The following ZNF445 variants were observed in gnomAD, a reference collection of about 807,000 sequenced individuals.
ZNF445 encodes the protein zinc finger protein 445, also known as zinc finger protein 168.
ZNF445 carries 19 observed loss-of-function variants against 93.9 expected under a neutral mutation model. The ratio of observed to expected loss-of-function variants is 0.20; its 90% CI spans 0.14 to 0.30. The LOEUF (loss-of-function observed/expected upper bound fraction) is 0.30. Among genes scored for constraint, ZNF445 ranks in the 10% least tolerant of loss-of-function variants. The probability of loss-of-function intolerance (pLI) is 1.00; values close to 1 mark genes in which losing one functional copy is unlikely to be tolerated. For synonymous variants in ZNF445, 449 were observed against 446.3 expected (o/e 1.01, Z -0.08); for missense variants, 1,058 against 1,259.4 (o/e 0.84, Z 2.42).
intron 3 of ZNF445, among the ~76,000 whole-genome samples, chr3:44,454,088 G>A (rs1299391720): frequency 1.3e-5 from 2 of 151,924 alleles, no homozygotes; most frequent in Non-Finnish European, 2.9e-5. Context: ...CAAGGCGGAT[G>A]GATCACCTGA....
At chr3:44,450,403 C>A (rs376219187) in intron 6 of ZNF445, 44 bp downstream of exon 6, 148 of 1,613,226 alleles carry the variant, frequency 9.2e-5, no homozygotes, top group Middle Eastern at 5.1e-4. Context: ...CCCAAGAAGG[C>A]AGAAATAAAG....
Position 44,451,560 on chromosome 3 carries a change from T to C in ZNF445, c.430-78A>G, listed in dbSNP as rs539294732. On this transcript the variant is annotated intron_variant, in intron 3 of 7. Coordinates refer to ENST00000396077, the MANE Select transcript of ZNF445 (RefSeq NM_181489.6). ...CTCAGAGAAGAGACCACATGACCAA[T>C]CTCTGAAGGACAAAGGCCGAGGGAT... 24 of 1,493,746 alleles carry C rather than the reference T, an allele frequency of 1.6e-5. No individual in the cohort carries two copies. In the African/African-American group the frequency reaches 2.8e-4, roughly 17 times the overall value. 92.5% of individuals were successfully genotyped at this position (1,493,746 alleles called of 1,614,324 possible).
At chr3:44,466,953 T>C (rs1024119092) in intron 1 of ZNF445, among the ~76,000 whole-genome samples, 3 of 152,242 alleles carry the variant, frequency 2.0e-5, no homozygotes, top group African/African-American at 7.2e-5. Context: ...GTAGCTTTCA[T>C]AGTGGCTATA....
intron 1 of ZNF445, among the ~76,000 whole-genome samples, chr3:44,458,847 G>A (rs1698068133): frequency 6.6e-6 from 1 of 152,142 alleles, no homozygotes; most frequent in Non-Finnish European, 1.5e-5. Flanking sequence ...CATTTCAGGA[G>A]TCCTGCCTCA....
In ZNF445 at chr3:44,444,742, C is replaced by T. The variant is rs1366187290; in HGVS notation, c.*1833G>A. The T allele has an allele frequency of 6.6e-6, 1 of 152,272 alleles. No homozygotes were observed. Among genetic ancestry groups the T allele is most frequent in the East Asian group, 1.9e-4 (1 of 5,186 alleles). 9.4% of individuals were successfully genotyped at this position (152,272 alleles called of 1,614,324 possible). On this transcript the variant is annotated 3_prime_UTR_variant, in exon 8 of 8. Transcript: ENST00000396077. ...TGACACCACCACACAATATCAGAGCCTTCATTTTCACCTGCTCATGGCAAT... is the reference window on the plus strand; with the variant it reads ...TGACACCACCACACAATATCAGAGCTTTCATTTTCACCTGCTCATGGCAAT...
chr3:44,441,691 A>G lies in ZNF445; in HGVS notation c.*4884T>C, dbSNP rs1437785626. On this transcript the variant is annotated 3_prime_UTR_variant, in exon 8 of 8. Transcript: ENST00000396077. ...GAAACACTTTAAGCAAACAGTTAAA[A>G]AGTACCCACCACACTACCCTGTAAA... 1 of 152,210 alleles carries G rather than the reference A, an allele frequency of 6.6e-6. No individual in the cohort carries two copies. Among genetic ancestry groups the G allele is most frequent in the East Asian group, 1.9e-4 (1 of 5,198 alleles). The allele number at this position is 152,210 out of a possible 1,614,324, so 9.4% of individuals were successfully genotyped here. A position where few individuals can be genotyped will look rare whatever the true frequency, so the allele number is the denominator to read the frequency against.
At chr3:44,475,005 G>C (rs1054132113) in intron 1 of ZNF445, among the ~76,000 whole-genome samples, 1 of 152,010 alleles carries the variant, frequency 6.6e-6, no homozygotes, top group African/African-American at 2.4e-5. Flanking sequence ...GGCTAAGGAG[G>C]GATAATTGTT....
rs1297997680 is a variant in ZNF445, at chr3:44,440,984, G to C, written c.*5591C>G. ...GCTGGAGTGCAGTGGCACCATCTTG[G>C]CTCACTGCAACCTCCAACTCCCGGG... is the stretch of plus-strand genomic sequence containing the variant. On this transcript the variant is annotated 3_prime_UTR_variant, in exon 8 of 8. Transcript: ENST00000396077. 6.6e-6 allele frequency: 1 copy of C among 150,784 alleles called. No individual in the cohort carries two copies. The highest frequency in any genetic ancestry group is 2.0e-4 in the East Asian group (1 of 5,102). The allele number at this position is 150,784 out of a possible 1,614,324, so 9.3% of individuals were successfully genotyped here.
rs201266719 is a variant in ZNF445 at position 44,449,674 on chromosome 3, T to C, written c.821-51A>G. The C allele has an allele frequency of 3.4e-6, 5 of 1,461,492 alleles. No individual in the cohort carries two copies. In the East Asian group the frequency reaches 1.1e-4, roughly 33 times the overall value. 90.5% of individuals were successfully genotyped at this position (1,461,492 alleles called of 1,614,324 possible). A position where few individuals can be genotyped will look rare whatever the true frequency, so the allele number is the denominator to read the frequency against. ...AGAAGGGAGATGGATGACACAGAACTACTCTTCAGGACCTCTGGGCCTGAA... is the reference window on the plus strand; with the variant it reads ...AGAAGGGAGATGGATGACACAGAACCACTCTTCAGGACCTCTGGGCCTGAA... On this transcript the variant is annotated intron_variant, in intron 6 of 7. Coordinates refer to ENST00000396077, the MANE Select transcript of ZNF445 (RefSeq NM_181489.6).
chr3:44,449,366 C>G (rs1697927051), intron 7 of ZNF445, 147 bp downstream of exon 7: 3 of 650,586 alleles, frequency 4.6e-6, no homozygotes, highest in African/African-American at 3.6e-5. Flanking sequence ...ATGGAAGAGA[C>G]CCAGTGGCCC....
Position 44,443,368 on chromosome 3 carries a change from T to G in ZNF445, c.*3207A>C, listed in dbSNP as rs1697835364. The G allele has an allele frequency of 6.6e-6, 1 of 152,186 alleles. No individual in the cohort carries two copies. The highest frequency in any genetic ancestry group is 1.5e-5 in the Non-Finnish European group (1 of 68,042). The allele number at this position is 152,186 out of a possible 1,614,324, so 9.4% of individuals were successfully genotyped here. A position where few individuals can be genotyped will look rare whatever the true frequency, so the allele number is the denominator to read the frequency against. On this transcript the variant is annotated 3_prime_UTR_variant, in exon 8 of 8. Transcript: ENST00000396077. ...AAAATTATTTGAAAACTCAGGTTAT[T>G]GGACAAATAGGTTCAGTATAATCCC...
chr3:44,464,132 C>T (rs948551927), intron 1 of ZNF445, among the ~76,000 whole-genome samples: 1 of 151,808 alleles, frequency 6.6e-6, no homozygotes, highest in Non-Finnish European at 1.5e-5. Context: ...TCTCAAAAAA[C>T]AAACAAACAA....
Position 44,448,490 on chromosome 3 carries a change from T to C in ZNF445, c.1181A>G (p.Asn394Ser). 1 of 1,613,770 alleles carries C rather than the reference T, an allele frequency of 6.2e-7. No individual in the cohort carries two copies. Among genetic ancestry groups the C allele is most frequent in the South Asian group, 1.1e-5 (1 of 91,000 alleles). The change falls in exon 8 of 8, where the codon AAT (asparagine) becomes AGT (serine). Residue 394 changes from asparagine (N) to serine (S), a missense_variant. This residue lies in a region of ZNF445 where 657 missense variants were observed against 746.4 expected (regional missense o/e 0.88). Transcript: ENST00000396077. ...TGKDSEVSGSNSLDLKHVTYL... is the reference protein window; with the variant it reads ...TGKDSEVSGSSSLDLKHVTYL... ...TGTAACATGTTTTAAGTCAAGACTATTACTTCCTGATACTTCAGAGTCTTT... is the reference window on the plus strand; with the variant it reads ...TGTAACATGTTTTAAGTCAAGACTACTACTTCCTGATACTTCAGAGTCTTT...
At position 44,444,632 on chromosome 3, in the gene ZNF445, C is replaced by G. The variant is rs1697855849; in HGVS notation, c.*1943G>C. 1 of 152,216 alleles carries G rather than the reference C, an allele frequency of 6.6e-6. No individual in the cohort carries two copies. The highest frequency in any genetic ancestry group is 6.6e-5 in the Admixed American group (1 of 15,266). The allele number at this position is 152,216 out of a possible 1,614,324, so 9.4% of individuals were successfully genotyped here. A position where few individuals can be genotyped will look rare whatever the true frequency, so the allele number is the denominator to read the frequency against. On this transcript the variant is annotated 3_prime_UTR_variant, in exon 8 of 8. Coordinates refer to ENST00000396077, the MANE Select transcript of ZNF445 (RefSeq NM_181489.6). ...TAGGAAGGCAAGAGGATGGCAGAACCAAGATGACCAAACCTTCCTGAGGAC... is the reference window on the plus strand; with the variant it reads ...TAGGAAGGCAAGAGGATGGCAGAACGAAGATGACCAAACCTTCCTGAGGAC...
In ZNF445 at chr3:44,446,975, T is replaced by C; in HGVS notation, c.2696A>G (p.Gln899Arg). ...CCCAATGAACTCTTTCCCACACCACTGACATTTGAAAGGTCTCTCTGTAGA... is the reference window on the plus strand; with the variant it reads ...CCCAATGAACTCTTTCCCACACCACCGACATTTGAAAGGTCTCTCTGTAGA... The part of the protein sequence containing the change: ...IHSTERPFKC[Q>R]WCGKEFIGRH... The change falls in exon 8 of 8, where the codon CAG (glutamine) becomes CGG (arginine). Residue 899 changes from glutamine to arginine, a missense_variant. By Grantham distance (43) the Gln-to-Arg change is conservative. Transcript: ENST00000396077. This position sits in a 1 kb window ranked among gnomAD's most constrained non-coding sequence, Gnocchi z 4.2. 1 of 1,614,208 alleles carries C rather than the reference T, an allele frequency of 6.2e-7. No individual in the cohort carries two copies. Among genetic ancestry groups the C allele is most frequent in the Non-Finnish European group, 8.5e-7 (1 of 1,180,032 alleles).
In ZNF445 at chr3:44,446,862, T is replaced by C; in HGVS notation, c.2809A>G (p.Thr937Ala). 6.2e-7 allele frequency: 1 copy of C among 1,614,174 alleles called. No homozygotes were observed. The highest frequency in any genetic ancestry group is 8.5e-7 in the Non-Finnish European group (1 of 1,180,036). ...TTTAGCTTCTGTAATCTCAACTTTG[T>C]GTCCTGAGAGGAAGACCGTGCAGGC... ...SPPARSSSQDTKLRLQKLKPS... is the reference protein window; with the variant it reads ...SPPARSSSQDAKLRLQKLKPS... The change falls in exon 8 of 8, where the codon ACA becomes GCA. Residue 937 changes from threonine (T) to alanine (A), a missense_variant. Thr to Ala is a moderately conservative substitution (Grantham distance 58). Around this residue, in one of 3 missense-constraint regions of ZNF445, gnomAD observed 387 missense variants for 475.7 expected, o/e 0.81. Coordinates refer to ENST00000396077, the MANE Select transcript of ZNF445 (RefSeq NM_181489.6). This position sits in a 1 kb window ranked among gnomAD's most constrained non-coding sequence, Gnocchi z 4.2.
chr3:44,469,797 AAAAC>A (rs1452666507), intron 1 of ZNF445, among the ~76,000 whole-genome samples: 5 of 152,182 alleles, frequency 3.3e-5, no homozygotes, highest in Non-Finnish European at 7.4e-5. Flanking sequence ...AAAACAAAAC[AAAAC>A]AAACAAAACA....
chr3:44,432,285 G>C lies in ZNF445; in HGVS notation c.*14290C>G, dbSNP rs1697570674. On this transcript the variant is annotated 3_prime_UTR_variant, in exon 8 of 8. Coordinates refer to ENST00000396077, the MANE Select transcript of ZNF445 (RefSeq NM_181489.6). ...TGTGTGTGTGTGTCTGTGTGTGTGT[G>C]TGTGTGTGTGTGTGTGTGTGTGTGG... 2 of 151,408 alleles carry C rather than the reference G, an allele frequency of 1.3e-5. No homozygotes were observed. Among genetic ancestry groups the C allele is most frequent in the African/African-American group, 4.9e-5 (2 of 40,496 alleles). The allele number at this position is 151,408 out of a possible 1,614,324, so 9.4% of individuals were successfully genotyped here.
chr3:44,454,907 A>C (rs946719119), intron 3 of ZNF445: 7 of 599,310 alleles, frequency 1.2e-5, no homozygotes, highest in Non-Finnish European at 2.1e-5. Context: ...CCCTATCTGG[A>C]GCTGATATTC....
Sources: allele counts gnomAD v4.1 joint callset (sites outside exome capture counted in the v4.1 genomes callset), GRCh38; gene constraint gnomAD v4.1.1; regional missense constraint gnomAD v4.1.1; non-coding constraint Gnocchi (gnomAD v3.1); transcripts MANE v1.5; gene names NCBI Gene and HGNC (gene_info 2026-07-23, HGNC 2026-07-21).